Variants in HESX1 observed in about 807,000 individuals in gnomAD.
HESX1 encodes homeobox expressed in ES cells 1.
A neutral mutation model predicts 22.5 loss-of-function variants in HESX1; 11 were observed. The ratio of observed to expected loss-of-function variants is 0.49; its 90% CI spans 0.31 to 0.81. The LOEUF (loss-of-function observed/expected upper bound fraction) is 0.81, where lower values mean the gene tolerates loss of function less well. HESX1 is among the 30% of genes least tolerant of loss of function. The pLI is 0.05. For missense variants in HESX1, 201 were observed against 212.6 expected (o/e 0.95, Z 0.34); for synonymous variants, 74 against 76.5 (o/e 0.97, Z 0.17).
chr3:57,199,043 T>C (rs1352550215), intron 1 of HESX1, 91 bp from the exon 2 acceptor site: 1 of 1,194,840 alleles, frequency 8.4e-7, no homozygotes, highest in Admixed American at 1.9e-5. Context: ...CATCTTTCAT[T>C]TCCTAGTGGA....
intron 1 of HESX1, among the ~76,000 whole-genome samples, chr3:57,211,541 A>AAAAAAAAAAAG (rs2060553983): frequency 6.8e-6 from 1 of 147,922 alleles, no homozygotes; most frequent in Non-Finnish European, 1.5e-5. Context: ...AAAAAAAAAA[A>AAAAAAAAAAAG]AAAAAAAAAA....
Position 57,198,313 on chromosome 3 carries a change from T to G in HESX1, c.460-18A>C, listed in dbSNP as rs1483371542. 6.3e-7 allele frequency: 1 copy of G among 1,587,720 alleles called. No homozygotes were observed. The highest frequency in any genetic ancestry group is 2.2e-5 in the East Asian group (1 of 44,630). ...AACCAAATCTAAAGTTAAGGAAAAA[T>G]AAAATAGGTCTCAGAAACATTATTT... On this transcript the variant is annotated intron_variant, in intron 3 of 3. Coordinates refer to ENST00000295934, the MANE Select transcript of HESX1 (RefSeq NM_003865.3).
chr3:57,207,707 T>C (rs957460673), intron 1 of HESX1, among the ~76,000 whole-genome samples: 34 of 152,102 alleles, frequency 2.2e-4, no homozygotes, highest in Non-Finnish European at 7.4e-5. Context: ...TTTAAAGAAC[T>C]AAAAGTTAGA....
At chr3:57,198,336 T>C in intron 3 of HESX1, 41 bp from the exon 4 acceptor site, 1 of 1,564,868 alleles carries the variant, frequency 6.4e-7, no homozygotes, top group African/African-American at 1.4e-5. Flanking sequence ...AGAAACATTA[T>C]TTTATTATTC....
At chr3:57,211,319 G>A (rs527784346) in intron 1 of HESX1, among the ~76,000 whole-genome samples, 50 of 151,826 alleles carry the variant, frequency 3.3e-4, no homozygotes, top group African/African-American at 1.1e-3. Context: ...CTTAAACCCA[G>A]GAGTTCAAGA....
upstream of HESX1, among the ~76,000 whole-genome samples, chr3:57,227,576 G>T (rs1170748212): frequency 6.6e-6 from 1 of 152,220 alleles, no homozygotes; most frequent in African/African-American, 2.4e-5. Context: ...GGCAGACACT[G>T]CCACCTCCGC....
chr3:57,220,286 C>T lies in HESX1; in HGVS notation c.-111+6010G>A, dbSNP rs192588894. 4.7e-4 allele frequency among the ~76,000 whole-genome samples: 71 copies of T among 152,244 alleles called. No homozygotes were observed. The Middle Eastern group carries it at 0.031, about 66-fold the overall frequency. On this transcript the variant is annotated intron_variant, in intron 1 of 2. Coordinates refer to the HESX1 transcript ENST00000495160. Reference sequence around the variant, plus strand: ...GTCATTTTTTATGACTTTTTTAAAGCATTGTCTTAACACATTGCTTTTTGT... The same window carrying T: ...GTCATTTTTTATGACTTTTTTAAAGTATTGTCTTAACACATTGCTTTTTGT...
At chr3:57,209,367 C>T (rs190193970) in intron 1 of HESX1, among the ~76,000 whole-genome samples, 4 of 152,122 alleles carry the variant, frequency 2.6e-5, no homozygotes, top group South Asian at 2.1e-4. Context: ...GATGATAGGC[C>T]GGGCGCAGTG....
chr3:57,198,910 C>T lies in HESX1; in HGVS notation c.200G>A (p.Ser67Asn), dbSNP rs141863326. 1.7e-5 allele frequency: 28 copies of T among 1,614,006 alleles called. No individual in the cohort carries two copies. The Admixed American group carries it at 4.2e-4, about 24-fold the overall frequency. ...CACCACGCTAGGGAATGAAATCCCACTGGGAGGATTTGGGACATGTAGACA... is the reference window on the plus strand; with the variant it reads ...CACCACGCTAGGGAATGAAATCCCATTGGGAGGATTTGGGACATGTAGACA... ...NLCLHVPNPP[S>N]GISFPSVVDH... is the part of the protein sequence containing the mutation. Residue 67 changes from serine (S) to asparagine (N), a missense_variant, in exon 2 of 4, where the codon AGT (serine) becomes AAT (asparagine). Physicochemically the swap from Ser to Asn is conservative, Grantham distance 46 (BLOSUM62 1). Coordinates refer to ENST00000295934, the MANE Select transcript of HESX1 (RefSeq NM_003865.3).
chr3:57,227,227 T>C (rs2060651935), upstream of HESX1, among the ~76,000 whole-genome samples: 1 of 152,176 alleles, frequency 6.6e-6, no homozygotes, highest in African/African-American at 2.4e-5. Flanking sequence ...AAAAACAATT[T>C]CGAGCCTACG....
At chr3:57,200,975 T>TC (rs1385558207), upstream of HESX1, among the ~76,000 whole-genome samples, 1 of 152,134 alleles carries the variant, frequency 6.6e-6, no homozygotes, top group African/African-American at 2.4e-5. Flanking sequence ...AACTGGCTGT[T>TC]CCCCCCGCAA....
rs767091885 is a variant in HESX1 at position 57,199,797 on chromosome 3, G to C, written c.122C>G (p.Pro41Arg). Reference sequence around the variant, plus strand: ...GCAGGTGTCTGCCCAGGGCCTGTGGGGTTTCATTAATGGAACACAGTCTTT... The same window carrying C: ...GCAGGTGTCTGCCCAGGGCCTGTGGCGTTTCATTAATGGAACACAGTCTTT... The part of the protein sequence containing the change: ...QKKDCVPLMK[P>R]HRPWADTCSS... The change falls in exon 1 of 4, where the codon CCC (proline) becomes CGC (arginine). Residue 41 changes from proline to arginine, a missense_variant. Transcript: ENST00000295934. 3 of 1,614,056 alleles carry C rather than the reference G, an allele frequency of 1.9e-6. No individual in the cohort carries two copies. In the South Asian group the frequency reaches 3.3e-5, roughly 18 times the overall value.
intron 1 of HESX1, among the ~76,000 whole-genome samples, chr3:57,220,673 C>T (rs1319271697): frequency 6.6e-6 from 1 of 152,168 alleles, no homozygotes; most frequent in Admixed American, 6.5e-5. Flanking sequence ...TCAAATGATC[C>T]ACCCACCTTG....
chr3:57,220,745 ATATAG>A (rs2060611215), intron 1 of HESX1, among the ~76,000 whole-genome samples: 1 of 152,106 alleles, frequency 6.6e-6, no homozygotes, highest in African/African-American at 2.4e-5. Flanking sequence ...ACAATTTATT[ATATAG>A]TATATCACCA....
intron 1 of HESX1, among the ~76,000 whole-genome samples, chr3:57,214,467 T>C (rs2107580040): frequency 6.6e-6 from 1 of 152,352 alleles, no homozygotes; most frequent in Non-Finnish European, 1.5e-5. Context: ...CGAACTCTGA[T>C]GTCAGATTAT....
chr3:57,203,833 C>T (rs1349095542), upstream of HESX1, among the ~76,000 whole-genome samples: 1 of 151,520 alleles, frequency 6.6e-6, no homozygotes, highest in East Asian at 1.9e-4. Context: ...GGGATTCAGG[C>T]GTGTAATTTG....
upstream of HESX1, among the ~76,000 whole-genome samples, chr3:57,204,339 A>G (rs2060507729): frequency 6.6e-6 from 1 of 152,146 alleles, no homozygotes; most frequent in Non-Finnish European, 1.5e-5. Flanking sequence ...TTTTGAGGTT[A>G]TTATATACAT....
intron 1 of HESX1, among the ~76,000 whole-genome samples, chr3:57,220,286 CA>C (rs1268030322): frequency 6.6e-6 from 1 of 152,126 alleles, no homozygotes; most frequent in Non-Finnish European, 1.5e-5. Flanking sequence ...TTTTTTAAAG[CA>C]TTGTCTTAAC....
At chr3:57,220,140 G>C (rs760250897) in intron 1 of HESX1, among the ~76,000 whole-genome samples, 4 of 152,210 alleles carry the variant, frequency 2.6e-5, no homozygotes, top group Non-Finnish European at 5.9e-5. Flanking sequence ...TTGAAGATCA[G>C]ATGGTTGCAG....
Sources: allele counts gnomAD v4.1 joint callset (sites outside exome capture counted in the v4.1 genomes callset), GRCh38; gene constraint gnomAD v4.1.1; transcripts MANE v1.5; gene names NCBI Gene and HGNC (gene_info 2026-07-23, HGNC 2026-07-21).